The following PTPRN2 variants were observed in gnomAD, a reference collection of about 807,000 sequenced individuals.
The protein encoded by PTPRN2 is receptor-type tyrosine-protein phosphatase N2.
In PTPRN2, 74 loss-of-function variants were observed where a neutral mutation model predicts 118.8. The observed-to-expected ratio is 0.62, with a 90% CI of 0.52 to 0.76. The LOEUF is 0.76. Ranked by LOEUF, PTPRN2 falls within the 30% of genes least tolerant of loss-of-function variation. PTPRN2 has a pLI of 0.00. For synonymous variants in PTPRN2, 641 were observed against 608.0 expected, an observed-to-expected ratio of 1.05 and a Z score of -0.80; for missense variants, 1,481 against 1,394.4, an observed-to-expected ratio of 1.06 and a Z score of -0.99.
At chr7:158,531,124 C>T (rs1291982491) in intron 1 of PTPRN2, among the ~76,000 whole-genome samples, 1 of 152,140 alleles carries the variant, frequency 6.6e-6, no homozygotes, top group East Asian at 1.9e-4. Flanking sequence ...CCCTAAGCTG[C>T]GATGAGGGAA....
At chr7:158,508,313 C>T (rs934537499) in intron 1 of PTPRN2, among the ~76,000 whole-genome samples, 10 of 152,154 alleles carry the variant, frequency 6.6e-5, no homozygotes, top group South Asian at 2.1e-4. Context: ...AACCAGTCAG[C>T]GGGGGCTTCC....
chr7:158,503,433 A>C (rs1172527836), intron 1 of PTPRN2, among the ~76,000 whole-genome samples: 1 of 152,244 alleles, frequency 6.6e-6, no homozygotes, highest in Non-Finnish European at 1.5e-5. Context: ...GAAAAAAGAA[A>C]GCAGAAGAGG....
Position 157,656,459 on chromosome 7 carries a change from G to A in PTPRN2, c.2094C>T (p.Ser698=), listed in dbSNP as rs142100016. ...CGGAGGGGCTGGGGATCGGCCCGTCGCTGAACTGGGATGAGACGCTGCTGA... is the reference window on the plus strand; with the variant it reads ...CGGAGGGGCTGGGGATCGGCCCGTCACTGAACTGGGATGAGACGCTGCTGA... The part of the protein sequence containing the change: ...SRISSVSSQF[S]DGPIPSPSAR... The change falls in exon 14 of 23, where the codon AGC becomes AGT. Residue 698 remains serine, a synonymous_variant. Coordinates refer to ENST00000389418, the MANE Select transcript of PTPRN2 (RefSeq NM_002847.5). 8.2e-5 allele frequency: 127 copies of A among 1,554,072 alleles called. No homozygotes were observed. Among genetic ancestry groups the A allele is most frequent in the Non-Finnish European group, 9.2e-5 (106 of 1,150,894 alleles).
intron 11 of PTPRN2, among the ~76,000 whole-genome samples, chr7:158,021,363 A>G (rs1445063145): frequency 6.6e-6 from 1 of 152,196 alleles, no homozygotes; most frequent in Non-Finnish European, 1.5e-5. Context: ...ATAATGACCA[A>G]TGCATATAAT....
At chr7:158,341,668 C>A (rs1418449189) in intron 2 of PTPRN2, among the ~76,000 whole-genome samples, 1 of 122,002 alleles carries the variant, frequency 8.2e-6, no homozygotes, top group African/African-American at 3.4e-5. Context: ...CACACTCTCA[C>A]CATAAGAGCT....
chr7:157,899,447 G>A (rs1475256445), intron 11 of PTPRN2, among the ~76,000 whole-genome samples: 1 of 152,140 alleles, frequency 6.6e-6, no homozygotes, highest in Non-Finnish European at 1.5e-5. Context: ...GGTGTCACAA[G>A]GCAATTGACC....
intron 13 of PTPRN2, among the ~76,000 whole-genome samples, chr7:157,680,231 T>C (rs558463068): frequency 6.6e-6 from 1 of 152,330 alleles, no homozygotes; most frequent in African/African-American, 2.4e-5. Flanking sequence ...CCATTTTCCT[T>C]GTAACCCAGT....
At chr7:157,895,046 A>ACCCC (rs11455057) in intron 12 of PTPRN2, among the ~76,000 whole-genome samples, 5 of 148,226 alleles carry the variant, frequency 3.4e-5, no homozygotes, top group Admixed American at 6.7e-5. Context: ...ACAAAAGAGG[A>ACCCC]CCCCTCCCCC....
chr7:157,730,479 C>T (rs1049639474), intron 12 of PTPRN2, among the ~76,000 whole-genome samples: 10 of 152,188 alleles, frequency 6.6e-5, no homozygotes, highest in East Asian at 3.8e-4. Flanking sequence ...CACGCCTGGC[C>T]GAGGTGGTGC....
rs1395960511 is a variant in PTPRN2 at position 158,438,278 on chromosome 7, G to A, written c.163+51457C>T. Among the ~76,000 whole-genome samples the A allele has an allele frequency of 6.6e-6, 1 of 152,080 alleles. No individual in the cohort carries two copies. Among genetic ancestry groups the A allele is most frequent in the African/African-American group, 2.4e-5 (1 of 41,396 alleles). On this transcript the variant is annotated intron_variant, in intron 2 of 22. Transcript: ENST00000389418. The surrounding 1 kb of genome is among the most constrained non-coding windows in gnomAD (Gnocchi z 4.7). ...CTGTAATCCCAGCTACTGGGAGGCT[G>A]AGGCAGGAGAATTGCTTGAACCTGG...
In PTPRN2 at chr7:158,565,564, C is replaced by A. The variant is rs1176442562; in HGVS notation, c.112+21994G>T. Among the ~76,000 whole-genome samples the A allele has an allele frequency of 6.6e-6, 1 of 152,198 alleles. No individual in the cohort carries two copies. The highest frequency in any genetic ancestry group is 1.9e-4 in the East Asian group (1 of 5,202). ...AATCTTAACTCGGACGGCAAACTTC[C>A]CGTCTGGGATCTGCAGGCTTCAACA... On this transcript the variant is annotated intron_variant, in intron 1 of 22. Transcript: ENST00000389418. This position sits in a 1 kb window ranked among gnomAD's most constrained non-coding sequence, Gnocchi z 4.6.
rs1475355397 is a variant in PTPRN2, at chr7:157,780,231, AGAGCAAG to A, written c.1789-97301_1789-97295del. Among the ~76,000 whole-genome samples the A allele has an allele frequency of 2.6e-5, 4 of 152,176 alleles. No individual in the cohort carries two copies. Among genetic ancestry groups the A allele is most frequent in the Non-Finnish European group, 4.4e-5 (3 of 68,040 alleles). On this transcript the variant is annotated intron_variant, in intron 12 of 22. Coordinates refer to ENST00000389418, the MANE Select transcript of PTPRN2 (RefSeq NM_002847.5). The surrounding 1 kb of genome is among the most constrained non-coding windows in gnomAD (Gnocchi z 4.5). ...TACCTCCAGCACAAGGACGTTCCTC[AGAGCAAG>A]GCATTTGCTCGCTCCCCTTGCTCCT...
chr7:157,967,696 TGA>T (rs1338874475), intron 11 of PTPRN2, among the ~76,000 whole-genome samples: 2 of 152,312 alleles, frequency 1.3e-5, no homozygotes, highest in East Asian at 3.9e-4. Context: ...TGCAGTTTAC[TGA>T]GAGTCAGTCA....
At chr7:158,004,875 G>A (rs916102357) in intron 11 of PTPRN2, among the ~76,000 whole-genome samples, 1 of 152,156 alleles carries the variant, frequency 6.6e-6, no homozygotes, top group Non-Finnish European at 1.5e-5. Flanking sequence ...TAATGGTAAT[G>A]TTTATGATGG....
intron 6 of PTPRN2, among the ~76,000 whole-genome samples, chr7:158,156,261 T>C (rs1165266009): frequency 6.6e-6 from 1 of 152,194 alleles, no homozygotes; most frequent in Non-Finnish European, 1.5e-5. Context: ...GAAAAAAATA[T>C]ATCCAATTAG....
chr7:157,826,181 G>A (rs190554586), intron 12 of PTPRN2, among the ~76,000 whole-genome samples: 28 of 150,502 alleles, frequency 1.9e-4, no homozygotes, highest in Non-Finnish European at 2.7e-4. Context: ...CCATTTCCAC[G>A]CGTGCTGTGC....
chr7:157,866,307 T>G (rs1482750737), intron 12 of PTPRN2, among the ~76,000 whole-genome samples: 2 of 152,092 alleles, frequency 1.3e-5, no homozygotes, highest in Non-Finnish European at 2.9e-5. Flanking sequence ...CACACGTGCA[T>G]ATCCAAATAC....
At chr7:157,757,215 C>G (rs1479009398) in intron 12 of PTPRN2, among the ~76,000 whole-genome samples, 1 of 150,126 alleles carries the variant, frequency 6.7e-6, no homozygotes, top group East Asian at 1.9e-4. Flanking sequence ...GAGGAACCCA[C>G]AGCAGAATTG....
At chr7:158,252,469 G>A (rs997445744) in intron 3 of PTPRN2, among the ~76,000 whole-genome samples, 2 of 152,106 alleles carry the variant, frequency 1.3e-5, no homozygotes, top group African/African-American at 2.4e-5. Context: ...GTGGGTTGGT[G>A]AGCACTCCAG....
Sources: allele counts gnomAD v4.1 joint callset (sites outside exome capture counted in the v4.1 genomes callset), GRCh38; gene constraint gnomAD v4.1.1; non-coding constraint Gnocchi (gnomAD v3.1); transcripts MANE v1.5; gene names NCBI Gene and HGNC (gene_info 2026-07-23, HGNC 2026-07-21).